Variants in FMO2 observed in about 807,000 individuals in gnomAD.
FMO2 encodes the protein flavin containing dimethylaniline monoxygenase 2, also known as flavin-containing monooxygenase 2.
FMO2 carries 33 observed loss-of-function variants against 41.6 expected under a neutral mutation model. The observed-to-expected ratio is 0.79, with a 90% CI of 0.60 to 1.06. FMO2 has a LOEUF of 1.06. Among genes scored for constraint, FMO2 ranks in the 50% least tolerant of loss-of-function variants. The pLI, the probability that FMO2 is intolerant of heterozygous loss-of-function variation, is 0.00. For missense variants in FMO2, 619 were observed against 632.9 expected (o/e 0.98, Z 0.23); for synonymous variants, 214 against 219.6 (o/e 0.97, Z 0.23).
At chr1:171,187,994 T>G (rs1049248583) in intron 2 of FMO2, among the ~76,000 whole-genome samples, 10 of 151,944 alleles carry the variant, frequency 6.6e-5, no homozygotes, top group Non-Finnish European at 5.9e-5. Flanking sequence ...AAGATATTTT[T>G]GTCCACTCTA....
intron 2 of FMO2, among the ~76,000 whole-genome samples, chr1:171,189,220 TC>T (rs1463784265): frequency 6.7e-6 from 1 of 149,766 alleles, no homozygotes; most frequent in Non-Finnish European, 1.5e-5. Flanking sequence ...ACATTTTTTT[TC>T]CTGTGGGTTT....
At chr1:171,202,350 C>G (rs566500803) in intron 5 of FMO2, among the ~76,000 whole-genome samples, 3 of 152,130 alleles carry the variant, frequency 2.0e-5, no homozygotes, top group Non-Finnish European at 2.9e-5. Flanking sequence ...AAATTCAGAA[C>G]ATAGGTATAT....
intron 5 of FMO2, among the ~76,000 whole-genome samples, chr1:171,202,163 G>C (rs942210584): frequency 1.3e-5 from 2 of 152,014 alleles, no homozygotes; most frequent in Admixed American, 1.3e-4. Context: ...CTGTAGGGAG[G>C]GTCACAACAG....
At chr1:171,196,103 A>G (rs1450697407) in intron 3 of FMO2, among the ~76,000 whole-genome samples, 1 of 152,228 alleles carries the variant, frequency 6.6e-6, no homozygotes, top group African/African-American at 2.4e-5. Flanking sequence ...AAAAGAAAAG[A>G]TATATATTTG....
rs780254800 is a variant in FMO2, at chr1:171,193,492, A to G, written c.290A>G (p.Lys97Arg). Reference sequence around the variant, plus strand: ...GAATATTTCAGGATTTTTGCTAAAAAATTTGATCTGCTAAAATATATTCAG... The same window carrying G: ...GAATATTTCAGGATTTTTGCTAAAAGATTTGATCTGCTAAAATATATTCAG... ...LLEYFRIFAK[K>R]FDLLKYIQFQ... Residue 97 changes from lysine (K) to arginine (R), a missense_variant, in exon 3 of 9, where the codon AAA (lysine) becomes AGA (arginine). By Grantham distance (26) the Lys-to-Arg change is conservative. Transcript: ENST00000209929. The G allele has an allele frequency of 6.2e-7, 1 of 1,610,574 alleles. No individual in the cohort carries two copies. Among genetic ancestry groups the G allele is most frequent in the Non-Finnish European group, 8.5e-7 (1 of 1,177,398 alleles).
At chr1:171,191,413 T>G (rs989913601) in intron 2 of FMO2, among the ~76,000 whole-genome samples, 1 of 152,232 alleles carries the variant, frequency 6.6e-6, no homozygotes, top group African/African-American at 2.4e-5. Context: ...AGTCTTAGTT[T>G]AACTGATTCA....
chr1:171,208,406 AT>A (rs1251176048), intron 8 of FMO2, among the ~76,000 whole-genome samples: 7 of 152,182 alleles, frequency 4.6e-5, no homozygotes, highest in Admixed American at 2.6e-4. Flanking sequence ...TACTTTAGTA[AT>A]TTAACAAGCA....
At chr1:171,204,719 A>G (rs954833574) in intron 6 of FMO2, among the ~76,000 whole-genome samples, 1 of 152,172 alleles carries the variant, frequency 6.6e-6, no homozygotes, top group South Asian at 2.1e-4. Context: ...TCTCAAATCT[A>G]CAAAAAAAAT....
At chr1:171,199,571 G>A in intron 5 of FMO2, 83 bp downstream of exon 5, 3 of 1,339,752 alleles carry the variant, frequency 2.2e-6, no homozygotes, top group Non-Finnish European at 3.0e-6. Context: ...TATAATCGCG[G>A]CTCCAATCCT....
At chr1:171,206,356 A>G (rs1431191800) in intron 7 of FMO2, among the ~76,000 whole-genome samples, 5 of 152,182 alleles carry the variant, frequency 3.3e-5, no homozygotes, top group Admixed American at 6.5e-5. Context: ...TGCATTTCTC[A>G]GGGGCAGAAA....
intron 2 of FMO2, among the ~76,000 whole-genome samples, chr1:171,189,225 T>C (rs1571270359): frequency 6.6e-6 from 1 of 152,064 alleles, no homozygotes; most frequent in Non-Finnish European, 1.5e-5. Context: ...TTTTTTCCTG[T>C]GGGTTTTCTT....
chr1:171,205,411 G>A lies in FMO2; in HGVS notation c.960G>A (p.Glu320=). 1 of 1,613,900 alleles carries A rather than the reference G, an allele frequency of 6.2e-7. No individual in the cohort carries two copies. The highest frequency in any genetic ancestry group is 8.5e-7 in the Non-Finnish European group (1 of 1,179,854). ...SAIFEDGTVE[E]NIDVIIFATG... ...TCTTTGAGGATGGAACAGTGGAGGA[G>A]AACATTGATGTCATCATTTTTGCAA... Residue 320 remains glutamate, a synonymous_variant, in exon 7 of 9, where the codon GAG becomes GAA. Coordinates refer to ENST00000209929, the MANE Select transcript of FMO2 (RefSeq NM_001460.5).
chr1:171,207,641 A>G (rs1658817266), intron 7 of FMO2, 77 bp from the exon 8 acceptor site: 1 of 1,039,590 alleles, frequency 9.6e-7, no homozygotes, highest in African/African-American at 1.6e-5. Flanking sequence ...CCAGAGTTTA[A>G]TTTTAAGAAT....
intron 2 of FMO2, among the ~76,000 whole-genome samples, chr1:171,189,659 CTTTTT>C (rs397827245): frequency 8.2e-6 from 1 of 121,470 alleles, no homozygotes. Flanking sequence ...TTTTTCTTTT[CTTTTT>C]TTTTTTTTTT....
chr1:171,196,605 T>C (rs779145412), intron 3 of FMO2, 44 bp from the exon 4 acceptor site: 2 of 1,585,504 alleles, frequency 1.3e-6, no homozygotes, highest in Non-Finnish European at 1.7e-6. Context: ...GCCAATGTTA[T>C]CCTGGAGTAA....
At chr1:171,192,026 C>A (rs28369837) in intron 2 of FMO2, among the ~76,000 whole-genome samples, 15,823 of 151,822 alleles carry the variant, frequency 0.1, 1,498 homozygotes, top group African/African-American at 0.26. Context: ...CAGAGTGAGA[C>A]CCTGTCTCAA....
intron 8 of FMO2, 25 bp downstream of exon 8, chr1:171,207,815 C>A: frequency 7.1e-7 from 1 of 1,406,942 alleles, no homozygotes; most frequent in Non-Finnish European, 1.0e-6. Flanking sequence ...TAATTCTTTA[C>A]ATGAAGCAGT....
In FMO2 at chr1:171,211,321, A is replaced by G. The variant is rs894458247; in HGVS notation, c.*2176A>G. On this transcript the variant is annotated 3_prime_UTR_variant, in exon 9 of 9. Coordinates refer to ENST00000209929, the MANE Select transcript of FMO2 (RefSeq NM_001460.5). ...TCGCAACAGAATCTCTGTGGCCCAC[A>G]AGGCTAAAATATTTACATTCTCACC... 1.3e-5 allele frequency: 2 copies of G among 152,214 alleles called. No homozygotes were observed. Among genetic ancestry groups the G allele is most frequent in the African/African-American group, 4.8e-5 (2 of 41,462 alleles). The allele number at this position is 152,214 out of a possible 1,614,324, so 9.4% of individuals were successfully genotyped here.
rs370944589 is a variant in FMO2 at position 171,192,627 on chromosome 1, G to A, written c.133-708G>A. ...TACACACAAAAAAAATTAGCCGGGC[G>A]TGGTGGCAGGCACCTGTAGTCCCAG... On this transcript the variant is annotated intron_variant, in intron 2 of 8. Coordinates refer to ENST00000209929, the MANE Select transcript of FMO2 (RefSeq NM_001460.5). Among the ~76,000 whole-genome samples the A allele has an allele frequency of 1.9e-4, 29 of 151,944 alleles. 2 individuals carry two copies. Among genetic ancestry groups the A allele is most frequent in the Admixed American group, 1.4e-3 (22 of 15,260 alleles).
Sources: allele counts gnomAD v4.1 joint callset (sites outside exome capture counted in the v4.1 genomes callset), GRCh38; gene constraint gnomAD v4.1.1; transcripts MANE v1.5; gene names NCBI Gene and HGNC (gene_info 2026-07-23, HGNC 2026-07-21).